Variants in NSUN2 observed in about 807,000 individuals in gnomAD.
The protein encoded by NSUN2 is NOP2/Sun RNA methyltransferase 2, also known as RNA cytosine C(5)-methyltransferase NSUN2.
In NSUN2, 63 loss-of-function variants were observed where a neutral mutation model predicts 92.7. That is an observed-to-expected ratio of 0.68 (90% CI 0.56 to 0.84). The LOEUF (loss-of-function observed/expected upper bound fraction) is 0.84. Among genes scored for constraint, NSUN2 ranks in the 40% least tolerant of loss-of-function variants. NSUN2 has a pLI of 0.00. For synonymous variants in NSUN2, 356 were observed against 348.3 expected, an observed-to-expected ratio of 1.02 and a Z score of -0.25; for missense variants, 989 against 964.9, an observed-to-expected ratio of 1.02 and a Z score of -0.33.
chr5:6,601,384 C>T (rs1736549913), intron 18 of NSUN2, among the ~76,000 whole-genome samples: 1 of 152,108 alleles, frequency 6.6e-6, no homozygotes, highest in Non-Finnish European at 1.5e-5. Flanking sequence ...ATGCTCCTGC[C>T]CGTTCACCAT....
chr5:6,602,340 G>T, intron 18 of NSUN2, 121 bp downstream of exon 18: 1 of 946,034 alleles, frequency 1.1e-6, no homozygotes, highest in Non-Finnish European at 1.7e-6. Flanking sequence ...TACTTCTGAG[G>T]AACAATCACA....
chr5:6,619,059 C>A (rs1022987035), intron 7 of NSUN2, among the ~76,000 whole-genome samples: 1 of 152,104 alleles, frequency 6.6e-6, no homozygotes, highest in Non-Finnish European at 1.5e-5. Flanking sequence ...AAGGTCACTG[C>A]GTTCTCAGAT....
intron 14 of NSUN2, 80 bp downstream of exon 14, chr5:6,606,739 TG>T: frequency 1.4e-6 from 1 of 737,930 alleles, no homozygotes; most frequent in Non-Finnish European, 2.2e-6. Flanking sequence ...TACAAAACAA[TG>T]GTTACATGTG....
chr5:6,604,520 C>T (rs907120884), intron 16 of NSUN2, 85 bp downstream of exon 16: 20 of 1,253,946 alleles, frequency 1.6e-5, no homozygotes, highest in Non-Finnish European at 2.2e-5. Flanking sequence ...CCACTCAGAC[C>T]ATCTGGCTGA....
chr5:6,621,773 C>T (rs913806711), intron 6 of NSUN2: 3 of 396,742 alleles, frequency 7.6e-6, no homozygotes, highest in African/African-American at 4.2e-5. Context: ...AAATGCCATT[C>T]GTTTTTATAG....
intron 10 of NSUN2, among the ~76,000 whole-genome samples, chr5:6,611,514 G>A (rs1455989033): frequency 7.0e-6 from 1 of 142,036 alleles, no homozygotes; most frequent in Non-Finnish European, 1.5e-5. Flanking sequence ...ATTTCTGTAC[G>A]TGGAGAAAAA....
At chr5:6,619,062 T>C (rs1579371225) in intron 7 of NSUN2, among the ~76,000 whole-genome samples, 1 of 152,310 alleles carries the variant, frequency 6.6e-6, no homozygotes. Flanking sequence ...GTCACTGCGT[T>C]CTCAGATCTC....
Position 6,599,462 on chromosome 5 carries a change from C to CA in NSUN2, c.*463dup, listed in dbSNP as rs1736453506. 1 of 153,980 alleles carries CA rather than the reference C, an allele frequency of 6.5e-6. No individual in the cohort carries two copies. The highest frequency in any genetic ancestry group is 1.4e-5 in the Non-Finnish European group (1 of 69,016). The allele number at this position is 153,980 out of a possible 1,614,324, so 9.5% of individuals were successfully genotyped here. A position where few individuals can be genotyped will look rare whatever the true frequency, so the allele number is the denominator to read the frequency against. ...TATTAACCCCACTGCATGTTAATGACACACCACTGAGGTGCAGCTCAATGT... is the reference window on the plus strand; with the variant it reads ...TATTAACCCCACTGCATGTTAATGACAACACCACTGAGGTGCAGCTCAATGT... On this transcript the variant is annotated 3_prime_UTR_variant, in exon 19 of 19. Coordinates refer to ENST00000264670, the MANE Select transcript of NSUN2 (RefSeq NM_017755.6).
Position 6,633,031 on chromosome 5 carries a change from A to T in NSUN2, c.-52T>A, listed in dbSNP as rs529367995. 144 of 1,400,612 alleles carry T rather than the reference A, an allele frequency of 1.0e-4. 3 individuals carry two copies. The South Asian group carries it at 2.2e-3, about 21-fold the overall frequency. 86.8% of individuals were successfully genotyped at this position (1,400,612 alleles called of 1,614,324 possible). A position where few individuals can be genotyped will look rare whatever the true frequency, so the allele number is the denominator to read the frequency against. ...GCAGAAACCGGCCCGCCACGGCCAG[A>T]ACTCTAGCCCTACACCTCCCGGGAC... On this transcript the variant is annotated 5_prime_UTR_variant, in exon 1 of 19. Transcript: ENST00000264670.
intron 12 of NSUN2, among the ~76,000 whole-genome samples, chr5:6,609,214 GAACT>G (rs1359589988): frequency 6.6e-6 from 1 of 152,170 alleles, no homozygotes; most frequent in Non-Finnish European, 1.5e-5. Flanking sequence ...GCTGATTTAT[GAACT>G]AATAAATAAT....
chr5:6,622,054 A>G lies in NSUN2; in HGVS notation c.584T>C (p.Ile195Thr). The part of the protein sequence containing the change: ...AAPGSKTTQL[I>T]EMLHADMNVP... ...ATTCATGTCGGCATGTAGCATTTCA[A>G]TTAACTGTGTGGTCTTTGAGCCAGG... Residue 195 changes from isoleucine (I) to threonine (T), a missense_variant, in exon 6 of 19, where the codon ATT (isoleucine) becomes ACT (threonine). Coordinates refer to ENST00000264670, the MANE Select transcript of NSUN2 (RefSeq NM_017755.6). 6.2e-7 allele frequency: 1 copy of G among 1,614,226 alleles called. No individual in the cohort carries two copies. The highest frequency in any genetic ancestry group is 8.5e-7 in the Non-Finnish European group (1 of 1,180,002).
intron 3 of NSUN2, among the ~76,000 whole-genome samples, chr5:6,625,981 CT>C (rs145831025): frequency 2.0e-3 from 301 of 152,236 alleles, no homozygotes; most frequent in African/African-American, 7.0e-3. Context: ...CTCCTCTGCT[CT>C]TCACCATTAT....
At chr5:6,600,897 T>C (rs1161322602) in intron 18 of NSUN2, among the ~76,000 whole-genome samples, 2 of 152,212 alleles carry the variant, frequency 1.3e-5, no homozygotes, top group Non-Finnish European at 2.9e-5. Context: ...TCTCTGAACA[T>C]GCTCCGAGCC....
At chr5:6,627,585 T>G (rs1312669916) in intron 3 of NSUN2, among the ~76,000 whole-genome samples, 2 of 152,244 alleles carry the variant, frequency 1.3e-5, no homozygotes, top group Admixed American at 6.5e-5. Context: ...TATTACAAGA[T>G]TAAAATTCTA....
chr5:6,613,088 G>T (rs1024132174), intron 9 of NSUN2, among the ~76,000 whole-genome samples: 1 of 152,202 alleles, frequency 6.6e-6, no homozygotes, highest in African/African-American at 2.4e-5. Flanking sequence ...CAAAAAGTTG[G>T]CTGTGACATC....
Position 6,631,911 on chromosome 5 carries a change from C to T in NSUN2, c.321G>A (p.Val107=), listed in dbSNP as rs928522671. 9.3e-6 allele frequency: 15 copies of T among 1,613,990 alleles called. No individual in the cohort carries two copies. The African/African-American group carries it at 1.6e-4, about 17-fold the overall frequency. ...GTGGAACTTCAACTTTCTGACCGTCCACCTCCAGGTCCTCCAATTCCTTAA... is the reference window on the plus strand; with the variant it reads ...GTGGAACTTCAACTTTCTGACCGTCTACCTCCAGGTCCTCCAATTCCTTAA... ...KYFKELEDLE[V]DGQKVEVPQP... is the part of the protein sequence containing the mutation. Residue 107 remains valine (V), a synonymous_variant, in exon 3 of 19, where the codon GTG becomes GTA. Coordinates refer to ENST00000264670, the MANE Select transcript of NSUN2 (RefSeq NM_017755.6).
chr5:6,613,431 T>C (rs1737080086), intron 9 of NSUN2, among the ~76,000 whole-genome samples: 1 of 152,192 alleles, frequency 6.6e-6, no homozygotes, highest in Non-Finnish European at 1.5e-5. Context: ...TGAAATCTCC[T>C]ATGTGGAGGC....
chr5:6,632,891 C>G lies in NSUN2; in HGVS notation c.89G>C (p.Gly30Ala). The G allele has an allele frequency of 6.5e-7, 1 of 1,531,480 alleles. No homozygotes were observed. Among genetic ancestry groups the G allele is most frequent in the Non-Finnish European group, 8.7e-7 (1 of 1,144,348 alleles). The allele number at this position is 1,531,480 out of a possible 1,614,324, so 94.9% of individuals were successfully genotyped here. The change falls in exon 1 of 19, where the codon GGC becomes GCC. Residue 30 changes from glycine to alanine, a missense_variant. Physicochemically the swap from Gly to Ala is moderately conservative, Grantham distance 60. This residue lies in a region of NSUN2 where 356 missense variants were observed against 338.6 expected (regional missense o/e 1.05). Coordinates refer to ENST00000264670, the MANE Select transcript of NSUN2 (RefSeq NM_017755.6). Reference sequence around the variant, plus strand: ...CCGGGTCCCGGCTCCTACCGCCTCGCCGCGCTTTCCACCACCCTCGGCGCC... The same window carrying G: ...CCGGGTCCCGGCTCCTACCGCCTCGGCGCGCTTTCCACCACCCTCGGCGCC... ...EDGAEGGGKR[G>A]EAGWEGGYPE...
chr5:6,620,035 A>C, intron 7 of NSUN2, 71 bp downstream of exon 7: 1 of 1,298,222 alleles, frequency 7.7e-7, no homozygotes, highest in Non-Finnish European at 1.1e-6. Context: ...TTCATGCACA[A>C]CTTCATTTTA....
Sources: allele counts gnomAD v4.1 joint callset (sites outside exome capture counted in the v4.1 genomes callset), GRCh38; gene constraint gnomAD v4.1.1; regional missense constraint gnomAD v4.1.1; transcripts MANE v1.5; gene names NCBI Gene and HGNC (gene_info 2026-07-23, HGNC 2026-07-21).